Variants in CCDC192 observed in about 807,000 individuals in gnomAD.
CCDC192 encodes coiled-coil domain-containing protein 192.
chr5:127,756,052 G>T (rs1754567968), intron 3 of CCDC192, among the ~76,000 whole-genome samples: 1 of 151,792 alleles, frequency 6.6e-6, no homozygotes, highest in Non-Finnish European at 1.5e-5. Flanking sequence ...AGAATGGCGT[G>T]AACCCGGGAG....
chr5:127,843,851 C>T (rs1224017543), intron 5 of CCDC192, among the ~76,000 whole-genome samples: 1 of 152,188 alleles, frequency 6.6e-6, no homozygotes, highest in Non-Finnish European at 1.5e-5. Context: ...TTCATGCCAT[C>T]AGCTTTGATA....
At chr5:127,857,812 G>A (rs1162257160) in intron 5 of CCDC192, 1 of 152,126 alleles carries the variant, frequency 6.6e-6, no homozygotes, top group Non-Finnish European at 1.5e-5. Flanking sequence ...TTGCTTCTAA[G>A]GCCTTCAAAG....
At chr5:127,867,647 C>G (rs998008932) in intron 5 of CCDC192, among the ~76,000 whole-genome samples, 2 of 152,212 alleles carry the variant, frequency 1.3e-5, no homozygotes, top group African/African-American at 4.8e-5. Context: ...GTGCACTTCT[C>G]TGTCTGTTCT....
chr5:127,855,010 A>C lies in CCDC192; in HGVS notation c.412-20528A>C, dbSNP rs544037650. On this transcript the variant is annotated intron_variant, in intron 5 of 6. Transcript: ENST00000514853. ...ATTTAAAAATAATTTGTTGCTAAAAAATGTTAACAATTATCCGAGCCTTCA... is the reference window on the plus strand; with the variant it reads ...ATTTAAAAATAATTTGTTGCTAAAACATGTTAACAATTATCCGAGCCTTCA... Among the ~76,000 whole-genome samples, 7 of 152,328 alleles carry C rather than the reference A, an allele frequency of 4.6e-5. No individual in the cohort carries two copies. In the South Asian group the frequency reaches 1.2e-3, roughly 27 times the overall value.
intron 6 of CCDC192, among the ~76,000 whole-genome samples, chr5:127,880,302 G>C (rs1433118310): frequency 6.6e-6 from 1 of 151,976 alleles, no homozygotes; most frequent in Non-Finnish European, 1.5e-5. Context: ...GTCCTTTGTA[G>C]GGACATGGAT....
chr5:127,878,528 T>A (rs1283305069), intron 6 of CCDC192, among the ~76,000 whole-genome samples: 1 of 152,122 alleles, frequency 6.6e-6, no homozygotes, highest in Non-Finnish European at 1.5e-5. Flanking sequence ...TGGTGATGCA[T>A]CCCTGTAATC....
chr5:127,786,829 T>G (rs1228198067), intron 3 of CCDC192: 1 of 536,002 alleles, frequency 1.9e-6, no homozygotes, highest in Non-Finnish European at 3.5e-6. Context: ...GTCTGCCCCT[T>G]TTTTGATGTA....
chr5:127,736,852 C>T (rs955122621), intron 2 of CCDC192, among the ~76,000 whole-genome samples: 5 of 148,880 alleles, frequency 3.4e-5, no homozygotes, highest in Admixed American at 2.0e-4. Context: ...AGCGGTCTAT[C>T]AATTTTGTTG....
chr5:127,839,077 A>G (rs185354787), intron 5 of CCDC192, among the ~76,000 whole-genome samples: 36 of 152,354 alleles, frequency 2.4e-4, no homozygotes, highest in African/African-American at 8.2e-4. Context: ...TCCATATGGA[A>G]GGTATACACT....
At chr5:127,719,909 G>A (rs1751920886) in intron 2 of CCDC192, among the ~76,000 whole-genome samples, 1 of 151,752 alleles carries the variant, frequency 6.6e-6, no homozygotes, top group African/African-American at 2.4e-5. Flanking sequence ...ACAGCAAGGG[G>A]GATGTCCACC....
At chr5:127,796,385 A>G (rs557480624) in intron 3 of CCDC192, among the ~76,000 whole-genome samples, 1 of 152,174 alleles carries the variant, frequency 6.6e-6, no homozygotes, top group Non-Finnish European at 1.5e-5. Flanking sequence ...GTCCCTTTCC[A>G]GGGAGTCTTT....
intron 6 of CCDC192, among the ~76,000 whole-genome samples, chr5:127,902,900 T>A (rs1373760644): frequency 6.6e-6 from 1 of 152,200 alleles, no homozygotes; most frequent in Non-Finnish European, 1.5e-5. Flanking sequence ...TTAACTTTAT[T>A]GTGTCTATCA....
At chr5:127,757,162 G>A (rs1580606644) in intron 3 of CCDC192, among the ~76,000 whole-genome samples, 1 of 152,164 alleles carries the variant, frequency 6.6e-6, no homozygotes, top group East Asian at 1.9e-4. Flanking sequence ...AGAAAAATTG[G>A]AAGACATGGA....
At chr5:127,710,962 G>A (rs1205598941) in intron 2 of CCDC192, among the ~76,000 whole-genome samples, 1 of 152,152 alleles carries the variant, frequency 6.6e-6, no homozygotes, top group Non-Finnish European at 1.5e-5. Context: ...GAATTAGAAT[G>A]TTATTTAAAC....
chr5:127,897,117 T>C (rs528741321), intron 6 of CCDC192, among the ~76,000 whole-genome samples: 5 of 152,120 alleles, frequency 3.3e-5, no homozygotes, highest in South Asian at 2.1e-4. Flanking sequence ...ACTTTTAGTA[T>C]AACCAGACAA....
intron 6 of CCDC192, among the ~76,000 whole-genome samples, chr5:127,917,704 C>A (rs2127184615): frequency 6.6e-6 from 1 of 152,076 alleles, no homozygotes; most frequent in South Asian, 2.1e-4. Flanking sequence ...TCATGGCACC[C>A]CAAAACAATT....
chr5:127,702,456 C>A (rs1750747070), upstream of CCDC192, among the ~76,000 whole-genome samples: 1 of 151,996 alleles, frequency 6.6e-6, no homozygotes. Context: ...GTTTTTTTTA[C>A]CAAGGGGCTG....
At position 127,911,539 on chromosome 5, in the gene CCDC192, T is replaced by C. The variant is rs76555374; in HGVS notation, c.536-29643T>C. Among the ~76,000 whole-genome samples the C allele has an allele frequency of 9.7e-3, 1,482 of 152,244 alleles. 27 individuals are homozygous for C. Among genetic ancestry groups the C allele is most frequent in the African/African-American group, 0.033 (1,364 of 41,524 alleles). On this transcript the variant is annotated intron_variant, in intron 6 of 6. Transcript: ENST00000514853. ...CAGCACCATAAGTTCATGCACTCTA[T>C]AATTTAGATATATTTATTGATAGAT... is the stretch of plus-strand genomic sequence containing the variant.
At chr5:127,755,234 GA>G (rs1754508222) in intron 3 of CCDC192, among the ~76,000 whole-genome samples, 1 of 151,912 alleles carries the variant, frequency 6.6e-6, no homozygotes, top group Non-Finnish European at 1.5e-5. Flanking sequence ...AGATACATTG[GA>G]AAAAAAGAAT....
Sources: allele counts gnomAD v4.1 joint callset (sites outside exome capture counted in the v4.1 genomes callset), GRCh38; gene constraint gnomAD v4.1.1; transcripts MANE v1.5; gene names NCBI Gene and HGNC (gene_info 2026-07-23, HGNC 2026-07-21).